Variants in TET1 observed in about 807,000 individuals in gnomAD.
The protein encoded by TET1 is methylcytosine dioxygenase TET1.
In TET1, 13 loss-of-function variants were observed where a neutral mutation model predicts 148.7. The observed-to-expected ratio is 0.09, with a 90% CI of 0.06 to 0.14. TET1 has a LOEUF of 0.14. Among genes scored for constraint, TET1 ranks in the 10% least tolerant of loss-of-function variants. The probability of loss-of-function intolerance (pLI) is 1.00; values close to 1 mark genes in which losing one functional copy is unlikely to be tolerated. For missense variants in TET1, 2,182 were observed against 2,553.8 expected (o/e 0.85, Z 3.14); for synonymous variants, 907 against 937.2 (o/e 0.97, Z 0.59).
At chr10:68,593,154 C>T (rs765049121) in intron 2 of TET1, among the ~76,000 whole-genome samples, 2 of 148,908 alleles carry the variant, frequency 1.3e-5, no homozygotes, top group African/African-American at 2.5e-5. Context: ...ATCGCTTGAA[C>T]CCGAAAGTTG....
chr10:68,629,091 G>A (rs1472643247), intron 3 of TET1, among the ~76,000 whole-genome samples: 6 of 152,096 alleles, frequency 3.9e-5, no homozygotes, highest in African/African-American at 9.7e-5. Flanking sequence ...TATGCCGGGC[G>A]CGGTGGCTCA....
intron 1 of TET1, among the ~76,000 whole-genome samples, chr10:68,568,843 C>A (rs576534084): frequency 3.9e-4 from 59 of 151,648 alleles, no homozygotes; most frequent in Non-Finnish European, 7.9e-4. Flanking sequence ...AGAGTGAGAC[C>A]CTGTCTCAAA....
intron 3 of TET1, among the ~76,000 whole-genome samples, chr10:68,609,568 A>C (rs75758484): frequency 1.3e-3 from 203 of 152,248 alleles, no homozygotes; most frequent in African/African-American, 4.7e-3. Context: ...AGCCTCCTCA[A>C]GTGTTATCCC....
chr10:68,608,108 T>TA (rs2054151654), intron 3 of TET1, among the ~76,000 whole-genome samples: 1 of 152,084 alleles, frequency 6.6e-6, no homozygotes, highest in Admixed American at 6.6e-5. Flanking sequence ...TTTGTATTTT[T>TA]AGTAGAGACT....
chr10:68,677,043 G>A (rs2055371437), intron 8 of TET1, among the ~76,000 whole-genome samples: 1 of 152,200 alleles, frequency 6.6e-6, no homozygotes, highest in African/African-American at 2.4e-5. Context: ...CCAGTAAAGA[G>A]CAAAGTTCAT....
At chr10:68,674,560 G>C (rs543077210) in intron 8 of TET1, 45 of 546,800 alleles carry the variant, frequency 8.2e-5, no homozygotes, top group South Asian at 7.1e-4. Context: ...GTTGCATTTA[G>C]AAAATTCAGC....
At chr10:68,588,973 A>G (rs2053889872) in intron 2 of TET1, among the ~76,000 whole-genome samples, 1 of 152,014 alleles carries the variant, frequency 6.6e-6, no homozygotes, top group African/African-American at 2.4e-5. Context: ...AAATGCAGGA[A>G]TTAGCTGGGC....
intron 3 of TET1, among the ~76,000 whole-genome samples, chr10:68,635,247 T>G (rs1014015872): frequency 6.6e-6 from 1 of 151,874 alleles, no homozygotes; most frequent in African/African-American, 2.4e-5. Context: ...AAAATGCCTA[T>G]CTAATAGGCA....
At chr10:68,665,281 T>TAC (rs58374790) in intron 6 of TET1, among the ~76,000 whole-genome samples, 27 of 151,122 alleles carry the variant, frequency 1.8e-4, no homozygotes, top group African/African-American at 4.9e-4. Flanking sequence ...AGTTTACACA[T>TAC]ACACACACAC....
intron 8 of TET1, among the ~76,000 whole-genome samples, chr10:68,675,742 G>C (rs1246756388): frequency 1.3e-5 from 2 of 151,874 alleles, no homozygotes; most frequent in Non-Finnish European, 2.9e-5. Context: ...TAGAAATTAA[G>C]ATAAAATTGG....
chr10:68,650,474 G>A (rs1435311619), intron 4 of TET1, among the ~76,000 whole-genome samples: 2 of 151,794 alleles, frequency 1.3e-5, no homozygotes, highest in Non-Finnish European at 2.9e-5. Context: ...GAAGCTAAAA[G>A]TACAAAATTA....
chr10:68,568,319 T>G (rs1407139843), intron 1 of TET1, among the ~76,000 whole-genome samples: 1 of 149,278 alleles, frequency 6.7e-6, no homozygotes, highest in Non-Finnish European at 1.5e-5. Context: ...ACCTCTCTGG[T>G]TCAAGCGATT....
At chr10:68,580,795 A>ATAT (rs1232133553) in intron 2 of TET1, among the ~76,000 whole-genome samples, 248 of 139,520 alleles carry the variant, frequency 1.8e-3, no homozygotes, top group African/African-American at 6.4e-3. Context: ...AAAAAAAAAA[A>ATAT]AAAAAAAAAA....
At chr10:68,585,053 T>C (rs10998308) in intron 2 of TET1, among the ~76,000 whole-genome samples, 23,405 of 151,504 alleles carry the variant, frequency 0.15, 1,973 homozygotes, top group South Asian at 0.24. Flanking sequence ...TGCCCAGTCT[T>C]GAGTGCAATG....
chr10:68,610,900 A>G (rs1292933960), intron 3 of TET1, among the ~76,000 whole-genome samples: 1 of 152,156 alleles, frequency 6.6e-6, no homozygotes, highest in Admixed American at 6.6e-5. Context: ...AAGCAAACCC[A>G]AAGTACTAGC....
chr10:68,589,034 G>A (rs2053890665), intron 2 of TET1, among the ~76,000 whole-genome samples: 1 of 151,982 alleles, frequency 6.6e-6, no homozygotes, highest in Non-Finnish European at 1.5e-5. Context: ...GAGGCGAGAG[G>A]ATTGCTTGAG....
chr10:68,610,956 T>G (rs926984565), intron 3 of TET1, among the ~76,000 whole-genome samples: 1 of 152,068 alleles, frequency 6.6e-6, no homozygotes, highest in Non-Finnish European at 1.5e-5. Context: ...TTTTTAATAG[T>G]GATTATAATT....
At chr10:68,688,641 T>G (rs111858256) in intron 11 of TET1, among the ~76,000 whole-genome samples, 1,718 of 152,122 alleles carry the variant, frequency 0.011, 12 homozygotes, top group Non-Finnish European at 0.018. Flanking sequence ...GGTTTCACCG[T>G]GTTAGCCAGG....
At chr10:68,566,154 C>T (rs1040560122) in intron 1 of TET1, among the ~76,000 whole-genome samples, 3 of 152,200 alleles carry the variant, frequency 2.0e-5, no homozygotes, top group African/African-American at 7.2e-5. Context: ...ATGACACCCT[C>T]TGGCATACCC....
Sources: gnomAD v4.1 joint callset for allele counts (sites outside exome capture counted in the v4.1 genomes callset) on GRCh38, gnomAD v4.1.1 for gene constraint, MANE v1.5 for transcripts, NCBI Gene and HGNC (gene_info 2026-07-23, HGNC 2026-07-21) for gene names.